RIN3: variants seen among roughly 807,000 people sequenced by gnomAD.
The protein encoded by RIN3 is RAB5 interacting protein 3.
In RIN3, 54 loss-of-function variants were observed where a neutral mutation model predicts 76.3. The ratio of observed to expected loss-of-function variants is 0.71; its 90% confidence interval spans 0.57 to 0.89. The LOEUF is 0.89. RIN3 is among the 40% of genes least tolerant of loss of function. RIN3 has a pLI of 0.00. For synonymous variants in RIN3, 576 were observed against 564.0 expected (o/e 1.02, Z -0.30); for missense variants, 1,256 against 1,322.1 (o/e 0.95, Z 0.78).
intron 6 of RIN3, among the ~76,000 whole-genome samples, chr14:92,655,380 A>G (rs61992602): frequency 0.29 from 44,009 of 152,048 alleles, 6,583 homozygotes; most frequent in Middle Eastern, 0.45. Flanking sequence ...CAGAGAGACA[A>G]AGGGAGAGAG....
chr14:92,657,623 G>A (rs1887719723), intron 6 of RIN3, among the ~76,000 whole-genome samples: 1 of 152,106 alleles, frequency 6.6e-6, no homozygotes, highest in African/African-American at 2.4e-5. Context: ...CATGGCCGAG[G>A]TCATGCAGAA....
At chr14:92,588,677 C>A (rs1884869629) in intron 3 of RIN3, among the ~76,000 whole-genome samples, 2 of 152,104 alleles carry the variant, frequency 1.3e-5, no homozygotes, top group Admixed American at 1.3e-4. Context: ...TTTGGGGGGA[C>A]ACCAGTATTC....
At chr14:92,671,521 G>A (rs1025795049) in intron 7 of RIN3, among the ~76,000 whole-genome samples, 3 of 152,226 alleles carry the variant, frequency 2.0e-5, no homozygotes, top group Non-Finnish European at 4.4e-5. Flanking sequence ...GGAGTTGGAG[G>A]AGGCAGATCT....
chr14:92,680,400 A>G (rs1888622323), intron 8 of RIN3, among the ~76,000 whole-genome samples: 1 of 152,036 alleles, frequency 6.6e-6, no homozygotes, highest in African/African-American at 2.4e-5. Flanking sequence ...GGGTTCCAAC[A>G]TGTTGGCCAG....
chr14:92,572,699 C>T (rs558091763), intron 2 of RIN3, among the ~76,000 whole-genome samples: 33 of 152,016 alleles, frequency 2.2e-4, no homozygotes, highest in African/African-American at 7.2e-4. Context: ...TAGAGAGGGG[C>T]GGTGGTGGTT....
chr14:92,532,466 A>G (rs1264834371), intron 1 of RIN3, among the ~76,000 whole-genome samples: 1 of 152,068 alleles, frequency 6.6e-6, no homozygotes, highest in Non-Finnish European at 1.5e-5. Context: ...GGGTCATCTC[A>G]TTTTAGACAC....
intron 5 of RIN3, among the ~76,000 whole-genome samples, chr14:92,645,876 C>T (rs1355139288): frequency 2.0e-5 from 3 of 151,534 alleles, no homozygotes; most frequent in East Asian, 3.9e-4. Flanking sequence ...CACTTGAACT[C>T]GGGAAGTGGA....
chr14:92,537,736 C>G (rs567523494), intron 1 of RIN3, among the ~76,000 whole-genome samples: 4 of 151,038 alleles, frequency 2.6e-5, no homozygotes, highest in African/African-American at 4.8e-5. Context: ...CCTCTGCCCC[C>G]CCGCCACCAG....
intron 1 of RIN3, among the ~76,000 whole-genome samples, chr14:92,529,092 C>A (rs1325006305): frequency 6.6e-6 from 1 of 152,092 alleles, no homozygotes; most frequent in African/African-American, 2.4e-5. Context: ...GGTGGAGACC[C>A]CCCTGCTCTG....
At chr14:92,525,013 T>C (rs950683571) in intron 1 of RIN3, among the ~76,000 whole-genome samples, 4 of 152,246 alleles carry the variant, frequency 2.6e-5, no homozygotes, top group African/African-American at 7.2e-5. Context: ...GTGTGAGGCC[T>C]GCAGGGCCGC....
At chr14:92,602,036 G>A (rs1402175761) in intron 3 of RIN3, among the ~76,000 whole-genome samples, 1 of 152,206 alleles carries the variant, frequency 6.6e-6, no homozygotes, top group Non-Finnish European at 1.5e-5. Flanking sequence ...ACAGTGTAGT[G>A]GGGAGTCACC....
At chr14:92,577,245 C>G (rs1898271295) in intron 2 of RIN3, 115 bp from the exon 3 acceptor site, 1 of 690,004 alleles carries the variant, frequency 1.4e-6, no homozygotes, top group African/African-American at 1.8e-5. Flanking sequence ...CTTGATCTCC[C>G]TAGCCTGCCT....
At position 92,513,825 on chromosome 14, in the gene RIN3, G is replaced by A; in HGVS notation, c.-108G>A. ...AGAGCGCGGCGGCAGCGGCGGCCTG[G>A]CCCTTCCAGAGGGCCAGAGCCAGGG... On this transcript the variant is annotated 5_prime_UTR_variant, in exon 1 of 10. Transcript: ENST00000216487. 1 of 702,972 alleles carries A rather than the reference G, an allele frequency of 1.4e-6. No homozygotes were observed. Among genetic ancestry groups the A allele is most frequent in the Non-Finnish European group, 2.0e-6 (1 of 507,144 alleles). The allele number at this position is 702,972 out of a possible 1,614,324, so 43.5% of individuals were successfully genotyped here. A position where few individuals can be genotyped will look rare whatever the true frequency, so the allele number is the denominator to read the frequency against.
At chr14:92,609,833 G>A (rs972756411) in intron 3 of RIN3, among the ~76,000 whole-genome samples, 6 of 150,058 alleles carry the variant, frequency 4.0e-5, no homozygotes, top group African/African-American at 1.5e-4. Flanking sequence ...TGCAGGAAGT[G>A]AAATTCAGTC....
At chr14:92,556,036 A>G (rs1229614670) in intron 2 of RIN3, 81 bp downstream of exon 2, 2 of 1,156,470 alleles carry the variant, frequency 1.7e-6, no homozygotes, top group African/African-American at 1.5e-5. Context: ...CCTGGCTCCC[A>G]CAGGGAAGCA....
rs180923373 is a variant in RIN3, at chr14:92,613,712, G to A, written c.368-1695G>A. 8.7e-4 allele frequency among the ~76,000 whole-genome samples: 132 copies of A among 152,272 alleles called. 1 individual carries two copies. The highest frequency in any genetic ancestry group is 1.5e-3 in the Non-Finnish European group (100 of 68,020). On this transcript the variant is annotated intron_variant, in intron 3 of 9. Coordinates refer to ENST00000216487, the MANE Select transcript of RIN3 (RefSeq NM_024832.5). ...CAGGTGGAAGGACAGAGGCACTGAG[G>A]GGGGAAAGGGCACGCTCTAAGCCTC...
chr14:92,579,518 GC>G (rs1321211798), intron 3 of RIN3, among the ~76,000 whole-genome samples: 2 of 152,218 alleles, frequency 1.3e-5, no homozygotes, highest in Admixed American at 6.5e-5. Context: ...GTGTATACAT[GC>G]CAGGCATTCA....
chr14:92,587,368 C>G (rs925931844), intron 3 of RIN3, among the ~76,000 whole-genome samples: 1 of 152,100 alleles, frequency 6.6e-6, no homozygotes, highest in Non-Finnish European at 1.5e-5. Context: ...GAAGGGAAGC[C>G]CTTTCAGTGG....
At chr14:92,528,783 T>G (rs1896812761) in intron 1 of RIN3, among the ~76,000 whole-genome samples, 1 of 152,154 alleles carries the variant, frequency 6.6e-6, no homozygotes, top group African/African-American at 2.4e-5. Context: ...GCAGCAGGCA[T>G]GAAAATGTGC....
Sources: gnomAD v4.1 joint callset for allele counts (sites outside exome capture counted in the v4.1 genomes callset) on GRCh38, gnomAD v4.1.1 for gene constraint, MANE v1.5 for transcripts, NCBI Gene and HGNC (gene_info 2026-07-23, HGNC 2026-07-21) for gene names.